The following MAP2 variants were observed in gnomAD, a reference collection of about 807,000 sequenced individuals.
MAP2 encodes microtubule associated protein 2.
A neutral mutation model predicts 137.6 loss-of-function variants in MAP2; 14 were observed. That is an observed-to-expected ratio of 0.10 (90% CI 0.07 to 0.16). The LOEUF (loss-of-function observed/expected upper bound fraction) is 0.16. Ranked by LOEUF, MAP2 falls within the 10% of genes least tolerant of loss-of-function variation. MAP2 has a pLI of 1.00. For synonymous variants in MAP2, 786 were observed against 782.3 expected (o/e 1.00, Z -0.08); for missense variants, 2,088 against 2,191.5 (o/e 0.95, Z 0.94).
intron 1 of MAP2, among the ~76,000 whole-genome samples, chr2:209,489,522 T>A (rs1005362226): frequency 1.3e-5 from 2 of 151,936 alleles, no homozygotes; most frequent in African/African-American, 4.8e-5. Flanking sequence ...TCTAACCCAA[T>A]GAAAGGAAGC....
At chr2:209,571,879 C>T (rs143906298) in intron 2 of MAP2, among the ~76,000 whole-genome samples, 3 of 151,896 alleles carry the variant, frequency 2.0e-5, no homozygotes, top group African/African-American at 4.8e-5. Flanking sequence ...CTTTCTTTCT[C>T]TCTCTCCATT....
At chr2:209,509,673 A>G (rs1200258810) in intron 2 of MAP2, among the ~76,000 whole-genome samples, 2 of 151,972 alleles carry the variant, frequency 1.3e-5, no homozygotes, top group Non-Finnish European at 2.9e-5. Flanking sequence ...TTTTTCAACT[A>G]TAACTAAGTT....
At chr2:209,439,823 C>T (rs1055628501) in intron 1 of MAP2, among the ~76,000 whole-genome samples, 13 of 151,364 alleles carry the variant, frequency 8.6e-5, no homozygotes, top group Admixed American at 3.3e-4. Flanking sequence ...GTGCTTGGTA[C>T]TGGGATATAC....
intron 12 of MAP2, among the ~76,000 whole-genome samples, chr2:209,706,399 C>T (rs1269628964): frequency 6.6e-6 from 1 of 151,946 alleles, no homozygotes; most frequent in African/African-American, 2.4e-5. Context: ...GTTTATTGAG[C>T]ACATATAGAT....
chr2:209,424,636 T>C (rs1004160915), intron 1 of MAP2, among the ~76,000 whole-genome samples: 5 of 152,180 alleles, frequency 3.3e-5, no homozygotes, highest in Non-Finnish European at 7.3e-5. Flanking sequence ...GGGAGTGGAT[T>C]CTACAAAGAT....
At chr2:209,680,645 G>T (rs1346634976) in intron 6 of MAP2, 105 bp from the exon 7 acceptor site, 1 of 958,940 alleles carries the variant, frequency 1.0e-6, no homozygotes, top group South Asian at 1.5e-5. Context: ...ATCTTTTTCT[G>T]AATTTTATAG....
chr2:209,481,529 G>A (rs1708777497), intron 1 of MAP2, among the ~76,000 whole-genome samples: 1 of 152,164 alleles, frequency 6.6e-6, no homozygotes, highest in Non-Finnish European at 1.5e-5. Context: ...CCCAAGAAAT[G>A]GAGTCCATGG....
intron 12 of MAP2, among the ~76,000 whole-genome samples, chr2:209,706,944 A>T (rs2063621025): frequency 6.6e-6 from 1 of 151,924 alleles, no homozygotes; most frequent in Non-Finnish European, 1.5e-5. Context: ...AATCACAAAA[A>T]CTCTTTTATC....
At chr2:209,520,016 A>G (rs2063050926) in intron 2 of MAP2, among the ~76,000 whole-genome samples, 1 of 152,078 alleles carries the variant, frequency 6.6e-6, no homozygotes, top group African/African-American at 2.4e-5. Flanking sequence ...CAGACTGGAC[A>G]TCCTAGCTTT....
chr2:209,534,808 A>G (rs1051453024), intron 2 of MAP2, among the ~76,000 whole-genome samples: 4 of 152,240 alleles, frequency 2.6e-5, no homozygotes, highest in African/African-American at 9.6e-5. Flanking sequence ...CTGCAAGGAC[A>G]TGAAGAAATA....
intron 1 of MAP2, among the ~76,000 whole-genome samples, chr2:209,448,721 A>G (rs1441286557): frequency 6.6e-6 from 1 of 152,008 alleles, no homozygotes; most frequent in East Asian, 1.9e-4. Flanking sequence ...TTGTCTCTCA[A>G]ATCTCCTGTG....
At position 209,501,419 on chromosome 2, in the gene MAP2, A is replaced by C. The variant is rs1036767828; in HGVS notation, c.-221-6173A>C. On this transcript the variant is annotated intron_variant, in intron 1 of 15. Coordinates refer to ENST00000682079, the MANE Select transcript of MAP2 (RefSeq NM_001375505.1). Reference sequence around the variant, plus strand: ...TCTGACCATCACAATATGATTTATAATATGGAGGCATGAAGTCATTTCTCA... The same window carrying C: ...TCTGACCATCACAATATGATTTATACTATGGAGGCATGAAGTCATTTCTCA... Among the ~76,000 whole-genome samples the C allele has an allele frequency of 2.6e-5, 4 of 152,290 alleles. No individual in the cohort carries two copies. The East Asian group carries it at 7.7e-4, about 29-fold the overall frequency.
At chr2:209,542,149 A>T (rs1174884163) in intron 2 of MAP2, among the ~76,000 whole-genome samples, 1 of 152,238 alleles carries the variant, frequency 6.6e-6, no homozygotes, top group Non-Finnish European at 1.5e-5. Flanking sequence ...TAAAGCCAAC[A>T]TCAATCTCCT....
chr2:209,605,883 A>G (rs1043840253), intron 3 of MAP2, among the ~76,000 whole-genome samples: 2 of 152,186 alleles, frequency 1.3e-5, no homozygotes, highest in African/African-American at 4.8e-5. Flanking sequence ...GTTGAGTGGT[A>G]TCCCATTTGT....
intron 4 of MAP2, among the ~76,000 whole-genome samples, chr2:209,644,785 A>T (rs541913175): frequency 2.6e-5 from 4 of 152,310 alleles, no homozygotes; most frequent in Admixed American, 2.6e-4. Context: ...CATACTTTCA[A>T]ATAACCCCTT....
At chr2:209,645,794 A>G (rs2094384125) in intron 4 of MAP2, among the ~76,000 whole-genome samples, 1 of 152,222 alleles carries the variant, frequency 6.6e-6, no homozygotes, top group Non-Finnish European at 1.5e-5. Context: ...AGTACTCAGG[A>G]CTTAGAATAA....
At chr2:209,592,080 C>T (rs1446508377) in intron 3 of MAP2, among the ~76,000 whole-genome samples, 1 of 152,156 alleles carries the variant, frequency 6.6e-6, no homozygotes, top group Non-Finnish European at 1.5e-5. Context: ...GATCCAGAGG[C>T]TTTAATGCCT....
chr2:209,592,455 T>G (rs2079528974), intron 3 of MAP2, among the ~76,000 whole-genome samples: 2 of 152,150 alleles, frequency 1.3e-5, no homozygotes, highest in South Asian at 4.1e-4. Context: ...GAGCTCCTTG[T>G]GAAAGGCATT....
Position 209,435,984 on chromosome 2 carries a change from T to C in MAP2, c.-222+11708T>C, listed in dbSNP as rs551581474. Among the ~76,000 whole-genome samples the C allele has an allele frequency of 1.8e-3, 156 of 88,650 alleles. 9 individuals carry two copies. In the South Asian group the frequency reaches 0.044, roughly 25 times the overall value. 58.2% of individuals were successfully genotyped at this position (88,650 alleles called of 152,430 possible). On this transcript the variant is annotated intron_variant, in intron 1 of 15. Transcript: ENST00000682079. The stretch of plus-strand genomic sequence containing the variant: ...TATATATTATATATAATATATACAG[T>C]ATATATTATATACTATATATACAGT...
Sources: gnomAD v4.1 joint callset for allele counts (sites outside exome capture counted in the v4.1 genomes callset) on GRCh38, gnomAD v4.1.1 for gene constraint, MANE v1.5 for transcripts, NCBI Gene and HGNC (gene_info 2026-07-23, HGNC 2026-07-21) for gene names.